The following FBN1 variants were observed in gnomAD, a reference collection of about 807,000 sequenced individuals.
The protein encoded by FBN1 is fibrillin-1.
Under a neutral mutation model 365.1 loss-of-function variants are expected in FBN1, and 29 were observed. The observed-to-expected ratio is 0.08, with a 90% CI of 0.06 to 0.11. The LOEUF (loss-of-function observed/expected upper bound fraction) is 0.11. FBN1 is among the 10% of genes least tolerant of loss of function. The pLI is 1.00. For missense variants in FBN1, 2,476 were observed against 3,703.2 expected (o/e 0.67, Z 8.60); for synonymous variants, 1,210 against 1,270.5 (o/e 0.95, Z 1.01).
Position 48,468,368 on chromosome 15 carries a change from A to G in FBN1, c.4582+44T>C, listed in dbSNP as rs369907358. On this transcript the variant is annotated intron_variant, in intron 37 of 65. Transcript: ENST00000316623. ...AATGTTTGGTGCTGTTTTCAAAATAATACACAGTATGCTTGCTTCTCTGAA... is the reference window on the plus strand; with the variant it reads ...AATGTTTGGTGCTGTTTTCAAAATAGTACACAGTATGCTTGCTTCTCTGAA... The G allele has an allele frequency of 1.0e-4, 167 of 1,611,984 alleles. 2 individuals carry two copies. The Middle Eastern group carries it at 6.2e-3, about 60-fold the overall frequency.
chr15:48,419,600 G>A (rs547414547), intron 63 of FBN1, among the ~76,000 whole-genome samples: 4 of 152,136 alleles, frequency 2.6e-5, no homozygotes, highest in Non-Finnish European at 5.9e-5. Flanking sequence ...TAGCACAGGG[G>A]TCACTTCAGT....
At chr15:48,530,664 T>C (rs543208272) in intron 8 of FBN1, among the ~76,000 whole-genome samples, 1 of 151,880 alleles carries the variant, frequency 6.6e-6, no homozygotes, top group South Asian at 2.1e-4. Flanking sequence ...CCATCTATGG[T>C]AGTGGGTTAA....
At chr15:48,435,147 A>C (rs2141237693) in intron 53 of FBN1, among the ~76,000 whole-genome samples, 1 of 152,268 alleles carries the variant, frequency 6.6e-6, no homozygotes, top group Admixed American at 6.5e-5. Flanking sequence ...GGGAGTGTGC[A>C]TGTCTTATTA....
At position 48,537,625 on chromosome 15, in the gene FBN1, G is replaced by T. The variant is rs747049980; in HGVS notation, c.722C>A (p.Thr241Lys). 6.2e-7 allele frequency: 1 copy of T among 1,614,174 alleles called. No homozygotes were observed. The highest frequency in any genetic ancestry group is 1.1e-5 in the South Asian group (1 of 91,082). The change falls in exon 7 of 66, where the codon ACG becomes AAG. Residue 241 changes from threonine to lysine, a missense_variant. Physicochemically the swap from Thr to Lys is moderately conservative, Grantham distance 78 (BLOSUM62 -1). Transcript: ENST00000316623. ...CRRGFIPNIR[T>K]GACQDVDECQ... ...CCCGGGTTTACCTTGACAAGCTCCC[G>T]TGCGGATATTTGGAATGAAGCCACG...
In FBN1 at chr15:48,606,145, C is replaced by A. The variant is rs895014928; in HGVS notation, c.346+4583G>T. Among the ~76,000 whole-genome samples the A allele has an allele frequency of 2.0e-5, 3 of 152,206 alleles. No homozygotes were observed. The East Asian group carries it at 5.8e-4, about 29-fold the overall frequency. ...TGGTGAGAATGCAAAATGGTACATA[C>A]GGCGACTCCAAAAACAGTTTGACAG... On this transcript the variant is annotated intron_variant, in intron 4 of 65. Transcript: ENST00000316623.
intron 62 of FBN1, 26 bp downstream of exon 62, chr15:48,421,532 G>A (rs2042941240): frequency 1.2e-6 from 2 of 1,609,074 alleles, no homozygotes; most frequent in East Asian, 2.2e-5. Flanking sequence ...TTCACCAGCT[G>A]GATCGCAGCT....
intron 4 of FBN1, among the ~76,000 whole-genome samples, chr15:48,607,141 G>A (rs997778900): frequency 2.6e-5 from 4 of 152,092 alleles, no homozygotes; most frequent in African/African-American, 9.7e-5. Context: ...GCAACTGTTT[G>A]TAAATCTACA....
chr15:48,467,044 C>T (rs906745702), intron 38 of FBN1, among the ~76,000 whole-genome samples: 3 of 152,140 alleles, frequency 2.0e-5, no homozygotes, highest in African/African-American at 7.2e-5. Context: ...TTTATGAATG[C>T]TAAGGAACTT....
chr15:48,465,763 G>T, intron 39 of FBN1, 27 bp downstream of exon 39: 1 of 1,610,636 alleles, frequency 6.2e-7, no homozygotes, highest in Non-Finnish European at 8.5e-7. Context: ...AGTTGTGTGT[G>T]CTTTAAGACA....
intron 6 of FBN1, among the ~76,000 whole-genome samples, chr15:48,542,056 C>T (rs1363338926): frequency 1.3e-5 from 2 of 152,194 alleles, no homozygotes; most frequent in African/African-American, 4.8e-5. Context: ...AAGGATTGCT[C>T]TCCAGTCCCG....
At chr15:48,462,158 T>C (rs1240883060) in intron 42 of FBN1, among the ~76,000 whole-genome samples, 1 of 152,240 alleles carries the variant, frequency 6.6e-6, no homozygotes, top group Admixed American at 6.5e-5. Context: ...ATATTTTATA[T>C]ATCACTGTGG....
chr15:48,524,788 G>T (rs942030592), intron 9 of FBN1, among the ~76,000 whole-genome samples: 4 of 152,140 alleles, frequency 2.6e-5, no homozygotes, highest in African/African-American at 9.7e-5. Context: ...CAATACTGCT[G>T]TGAAATGAAC....
chr15:48,587,490 C>T (rs927987925), intron 6 of FBN1, among the ~76,000 whole-genome samples: 3 of 152,148 alleles, frequency 2.0e-5, no homozygotes, highest in Admixed American at 6.5e-5. Flanking sequence ...TGTGAGTTGA[C>T]GTTGTGCCTT....
intron 18 of FBN1, among the ~76,000 whole-genome samples, chr15:48,498,029 G>C (rs1386149497): frequency 1.3e-5 from 2 of 152,070 alleles, no homozygotes; most frequent in Non-Finnish European, 2.9e-5. Flanking sequence ...AGCCTCCGTT[G>C]CTCTGCCCAC....
At chr15:48,553,704 A>T (rs2044159775) in intron 6 of FBN1, among the ~76,000 whole-genome samples, 1 of 152,092 alleles carries the variant, frequency 6.6e-6, no homozygotes, top group African/African-American at 2.4e-5. Flanking sequence ...TGTTAATTTC[A>T]AAAGATTCAT....
At chr15:48,444,331 T>C (rs572810634) in intron 49 of FBN1, among the ~76,000 whole-genome samples, 1 of 152,314 alleles carries the variant, frequency 6.6e-6, no homozygotes, top group Admixed American at 6.5e-5. Context: ...ATCAGTCATA[T>C]GCACAGAACA....
chr15:48,417,313 T>C (rs1256437001), intron 63 of FBN1, among the ~76,000 whole-genome samples: 1 of 152,124 alleles, frequency 6.6e-6, no homozygotes. Context: ...TTGTATATAC[T>C]TAGTATATAT....
chr15:48,520,759 C>G lies in FBN1; in HGVS notation c.1047G>C (p.Leu349=), dbSNP rs1363140512. ...ALTNGRCSNQ[L]PQSITKMQCC... ...ACTGCATTTTGGTTATGGACTGTGG[C>G]AGCTGGTTAGAGCAGCGCCCGTTTG... Residue 349 remains leucine, a synonymous_variant, in exon 10 of 66, where the codon CTG becomes CTC. Transcript: ENST00000316623. 6.2e-7 allele frequency: 1 copy of G among 1,614,200 alleles called. No individual in the cohort carries two copies. The highest frequency in any genetic ancestry group is 8.5e-7 in the Non-Finnish European group (1 of 1,180,028).
intron 6 of FBN1, among the ~76,000 whole-genome samples, chr15:48,580,447 G>T (rs1024283723): frequency 4.6e-5 from 7 of 152,042 alleles, no homozygotes; most frequent in African/African-American, 1.7e-4. Flanking sequence ...GGATGCTTCA[G>T]CCAAGTATTA....
Sources: allele counts gnomAD v4.1 joint callset (sites outside exome capture counted in the v4.1 genomes callset), GRCh38; gene constraint gnomAD v4.1.1; transcripts MANE v1.5; gene names NCBI Gene and HGNC (gene_info 2026-07-23, HGNC 2026-07-21).